The following RANBP10 variants were observed in gnomAD, a reference collection of about 807,000 sequenced individuals.
RANBP10 encodes RAN binding protein 10, also known as ran-binding protein 10.
RANBP10 carries 24 observed loss-of-function variants against 72.8 expected under a neutral mutation model. The ratio of observed to expected loss-of-function variants is 0.33; its 90% CI spans 0.24 to 0.46. RANBP10 has a LOEUF of 0.46. Ranked by LOEUF, RANBP10 falls within the 20% of genes least tolerant of loss-of-function variation. RANBP10 has a pLI of 1.00. For missense variants in RANBP10, 679 were observed against 817.5 expected, an observed-to-expected ratio of 0.83 and a Z score of 2.07; for synonymous variants, 310 against 322.3, an observed-to-expected ratio of 0.96 and a Z score of 0.41.
intron 13 of RANBP10, among the ~76,000 whole-genome samples, chr16:67,727,102 C>T (rs1468474527): frequency 1.3e-5 from 2 of 152,236 alleles, no homozygotes; most frequent in Non-Finnish European, 2.9e-5. Flanking sequence ...CGAGACCAAC[C>T]TGGCCAACAT....
rs1468008840 is a variant in RANBP10, at chr16:67,723,551, A to G, written c.*2877T>C. ...TCCCCACTTCTGTCTCGTGGTGTCC[A>G]TTTTGATGGCCTGCACCCAGCCACA... On this transcript the variant is annotated 3_prime_UTR_variant, in exon 14 of 14. Transcript: ENST00000317506. The G allele has an allele frequency of 6.6e-6, 1 of 152,644 alleles. No homozygotes were observed. The highest frequency in any genetic ancestry group is 1.5e-5 in the Non-Finnish European group (1 of 68,048). 9.5% of individuals were successfully genotyped at this position (152,644 alleles called of 1,614,324 possible).
rs1379326621 is a variant in RANBP10 at position 67,729,757 on chromosome 16, T to C, written c.1070A>G (p.Lys357Arg). 5.0e-6 allele frequency: 8 copies of C among 1,614,030 alleles called. No individual in the cohort carries two copies. In the Admixed American group the frequency reaches 5.0e-5, roughly 10 times the overall value. ...GGAGCCAGGGTAGCTGTCCTGGGAC[T>C]TGGGGCTTCGGGAGCTCAAACTTCG... Reference protein sequence around the residue: ...EVRSLSSRSPKSQDSYPGSPS... With the variant: ...EVRSLSSRSPRSQDSYPGSPS... Residue 357 changes from lysine to arginine, a missense_variant, in exon 9 of 14, where the codon AAG becomes AGG. By Grantham distance (26) the Lys-to-Arg change is conservative. Coordinates refer to ENST00000317506, the MANE Select transcript of RANBP10 (RefSeq NM_020850.3). This position sits in a 1 kb window ranked among gnomAD's most constrained non-coding sequence, Gnocchi z 7.1.
At chr16:67,731,234 C>T (rs867122038) in intron 7 of RANBP10, 12 of 455,078 alleles carry the variant, frequency 2.6e-5, no homozygotes, top group Admixed American at 7.6e-5. Context: ...GCCTGGCCTG[C>T]GCCCAGCCTT....
intron 3 of RANBP10, among the ~76,000 whole-genome samples, chr16:67,752,847 A>G (rs1440148512): frequency 6.6e-6 from 1 of 152,148 alleles, no homozygotes; most frequent in African/African-American, 2.4e-5. Flanking sequence ...GGAGTTTGCA[A>G]AGTGGGAGTA....
intron 2 of RANBP10, among the ~76,000 whole-genome samples, chr16:67,799,360 T>C (rs2055193095): frequency 1.4e-5 from 2 of 148,070 alleles, no homozygotes; most frequent in African/African-American, 2.5e-5. Context: ...CGATCTCGGC[T>C]CACTGCAAGC....
chr16:67,804,457 A>T (rs1035139063), intron 2 of RANBP10, among the ~76,000 whole-genome samples: 3 of 151,784 alleles, frequency 2.0e-5, no homozygotes, highest in African/African-American at 7.3e-5. Flanking sequence ...GCTAGAGTGC[A>T]GTGGTGCAAT....
At chr16:67,763,879 AAG>A (rs2054447453) in intron 3 of RANBP10, among the ~76,000 whole-genome samples, 1 of 152,012 alleles carries the variant, frequency 6.6e-6, no homozygotes. Flanking sequence ...GTACATTTAG[AAG>A]AGACAGGGTT....
chr16:67,744,866 C>T (rs1417763652), intron 3 of RANBP10, among the ~76,000 whole-genome samples: 1 of 152,222 alleles, frequency 6.6e-6, no homozygotes, highest in African/African-American at 2.4e-5. Context: ...CGCTGTCATC[C>T]ATGCTGGAGT....
chr16:67,776,718 G>A (rs2054712442), intron 2 of RANBP10, among the ~76,000 whole-genome samples: 2 of 149,460 alleles, frequency 1.3e-5, no homozygotes, highest in Admixed American at 1.3e-4. Flanking sequence ...GTGGCAATAA[G>A]CTGAGATCGA....
intron 3 of RANBP10, among the ~76,000 whole-genome samples, chr16:67,749,459 G>A (rs534419380): frequency 6.6e-6 from 1 of 152,324 alleles, no homozygotes; most frequent in South Asian, 2.1e-4. Flanking sequence ...AGAGCTGCTT[G>A]AGACTGGCTT....
intron 3 of RANBP10, among the ~76,000 whole-genome samples, chr16:67,764,365 G>C (rs1030236337): frequency 6.6e-6 from 1 of 152,180 alleles, no homozygotes. Flanking sequence ...ACTCAGATAA[G>C]GGCCGCTTAA....
chr16:67,792,106 C>T (rs1244570465), intron 2 of RANBP10, among the ~76,000 whole-genome samples: 1 of 151,744 alleles, frequency 6.6e-6, no homozygotes, highest in Admixed American at 6.6e-5. Flanking sequence ...ATGACACTGG[C>T]TGCTACGTGT....
intron 3 of RANBP10, among the ~76,000 whole-genome samples, chr16:67,767,991 G>C (rs1415781091): frequency 6.6e-6 from 1 of 151,892 alleles, no homozygotes; most frequent in East Asian, 1.9e-4. Flanking sequence ...ACTTAAGCCT[G>C]GGAGGTCAAA....
rs1034813044 is a variant in RANBP10, at chr16:67,729,171, C to T, written c.1352+109G>A. 1 of 1,531,032 alleles carries T rather than the reference C, an allele frequency of 6.5e-7. No homozygotes were observed. The highest frequency in any genetic ancestry group is 8.8e-7 in the Non-Finnish European group (1 of 1,138,534). The allele number at this position is 1,531,032 out of a possible 1,614,324, so 94.8% of individuals were successfully genotyped here. ...CAAAAATTAGGACTCCAGGCACAGA[C>T]CTGAGATGGAGGCTGGGGGTGAAGG... On this transcript the variant is annotated intron_variant, in intron 10 of 13. Transcript: ENST00000317506. This position sits in a 1 kb window ranked among gnomAD's most constrained non-coding sequence, Gnocchi z 7.1.
At chr16:67,800,543 G>A (rs2055217933) in intron 2 of RANBP10, among the ~76,000 whole-genome samples, 1 of 152,128 alleles carries the variant, frequency 6.6e-6, no homozygotes, top group African/African-American at 2.4e-5. Flanking sequence ...TCCTCCCCAG[G>A]GACCCTCAGC....
intron 2 of RANBP10, among the ~76,000 whole-genome samples, chr16:67,788,452 T>C (rs1209148926): frequency 6.6e-6 from 1 of 150,460 alleles, no homozygotes; most frequent in Non-Finnish European, 1.5e-5. Context: ...AGAGAGGGGG[T>C]TTCACCATGT....
intron 3 of RANBP10, chr16:67,759,774 T>C (rs1313927980): frequency 6.6e-6 from 1 of 152,282 alleles, no homozygotes; most frequent in African/African-American, 2.4e-5. Context: ...TTGGCAGGTA[T>C]AGACAAACAG....
chr16:67,789,477 C>CT (rs142471071), intron 2 of RANBP10, among the ~76,000 whole-genome samples: 8,395 of 148,142 alleles, frequency 0.057, 792 homozygotes, highest in African/African-American at 0.18. Flanking sequence ...GACCATATTT[C>CT]TTTTTTTTTT....
At chr16:67,757,155 C>T (rs1274357791) in intron 3 of RANBP10, among the ~76,000 whole-genome samples, 1 of 152,172 alleles carries the variant, frequency 6.6e-6, no homozygotes, top group South Asian at 2.1e-4. Flanking sequence ...TTGCGGTGAG[C>T]CAAGATGGCG....
Sources: gnomAD v4.1 joint callset for allele counts (sites outside exome capture counted in the v4.1 genomes callset) on GRCh38, gnomAD v4.1.1 for gene constraint, Gnocchi (gnomAD v3.1) non-coding constraint, MANE v1.5 for transcripts, NCBI Gene and HGNC (gene_info 2026-07-23, HGNC 2026-07-21) for gene names.